CPPED1: variants seen among roughly 807,000 people sequenced by gnomAD.
CPPED1 encodes serine/threonine-protein phosphatase CPPED1.
CPPED1 carries 28 observed loss-of-function variants against 28.0 expected under a neutral mutation model. The observed-to-expected ratio is 1.00, with a 90% CI of 0.74 to 1.37. The LOEUF is 1.37. Among genes scored for constraint, CPPED1 ranks in the 40% most tolerant of loss-of-function variants. The pLI is 0.00. For synonymous variants in CPPED1, 198 were observed against 180.2 expected (o/e 1.10, Z -0.79); for missense variants, 504 against 416.5 (o/e 1.21, Z -1.83).
At chr16:12,748,251 C>T (rs1223717237) in intron 2 of CPPED1, among the ~76,000 whole-genome samples, 1 of 152,102 alleles carries the variant, frequency 6.6e-6, no homozygotes, top group East Asian at 1.9e-4. Flanking sequence ...TTGTGTTATA[C>T]TCATATATGG....
intron 2 of CPPED1, among the ~76,000 whole-genome samples, chr16:12,737,662 C>G (rs1360748865): frequency 6.6e-6 from 1 of 152,172 alleles, no homozygotes; most frequent in Non-Finnish European, 1.5e-5. Context: ...ACTCTTGCCC[C>G]CCTGAAGAAT....
chr16:12,700,596 T>G (rs2080015312), intron 3 of CPPED1, among the ~76,000 whole-genome samples: 1 of 152,244 alleles, frequency 6.6e-6, no homozygotes, highest in Non-Finnish European at 1.5e-5. Context: ...TTCGCCCTGC[T>G]GGCCAGGCTG....
At chr16:12,735,202 T>A (rs2080220408) in intron 2 of CPPED1, among the ~76,000 whole-genome samples, 1 of 152,214 alleles carries the variant, frequency 6.6e-6, no homozygotes, top group East Asian at 1.9e-4. Context: ...CCAATGATTA[T>A]TTTTGCCTTT....
intron 1 of CPPED1, among the ~76,000 whole-genome samples, chr16:12,786,947 T>C (rs2080567177): frequency 6.6e-6 from 1 of 152,182 alleles, no homozygotes; most frequent in African/African-American, 2.4e-5. Context: ...CCATTACTAA[T>C]TAGTATGTTC....
chr16:12,798,316 A>C (rs1376045080), intron 1 of CPPED1, among the ~76,000 whole-genome samples: 1 of 152,200 alleles, frequency 6.6e-6, no homozygotes, highest in East Asian at 1.9e-4. Context: ...ATATATCTCA[A>C]ATAAGAGATA....
intron 1 of CPPED1, among the ~76,000 whole-genome samples, chr16:12,787,817 A>G (rs1258594177): frequency 6.6e-6 from 1 of 152,128 alleles, no homozygotes; most frequent in Non-Finnish European, 1.5e-5. Context: ...CAAACAACCC[A>G]CATTTATTAT....
intron 3 of CPPED1, among the ~76,000 whole-genome samples, chr16:12,699,284 C>T (rs2080007762): frequency 6.6e-6 from 1 of 152,120 alleles, no homozygotes; most frequent in Non-Finnish European, 1.5e-5. Context: ...CTGTCCTGAC[C>T]TGATAACTGT....
chr16:12,782,813 G>C (rs2080540523), intron 1 of CPPED1, among the ~76,000 whole-genome samples: 1 of 152,064 alleles, frequency 6.6e-6, no homozygotes, highest in Non-Finnish European at 1.5e-5. Context: ...GGAGGTTGCA[G>C]TGAGCCAAGA....
At chr16:12,688,483 C>T (rs1313737272) in intron 3 of CPPED1, among the ~76,000 whole-genome samples, 1 of 151,940 alleles carries the variant, frequency 6.6e-6, no homozygotes, top group Non-Finnish European at 1.5e-5. Flanking sequence ...AGATTACAGG[C>T]AGCCGCCACC....
rs185788304 is a variant in CPPED1 at position 12,792,534 on chromosome 16, A to G, written c.71-11131T>C. Among the ~76,000 whole-genome samples, 160 of 152,180 alleles carry G rather than the reference A, an allele frequency of 1.1e-3. 1 individual carries two copies. The highest frequency in any genetic ancestry group is 3.6e-3 in the African/African-American group (150 of 41,542). On this transcript the variant is annotated intron_variant, in intron 1 of 3. Transcript: ENST00000381774. ...ATACCACAGGAATCCCCCCAGATAG[A>G]CCACTATCTGCTTCTCCAACACACC...
chr16:12,787,584 TTTA>T (rs1175403487), intron 1 of CPPED1, among the ~76,000 whole-genome samples: 1 of 152,034 alleles, frequency 6.6e-6, no homozygotes, highest in Admixed American at 6.6e-5. Flanking sequence ...TTTTTGTATT[TTTA>T]GTAGAGATGG....
In CPPED1 at chr16:12,766,277, G is replaced by GAGAGAGAGAGAGA. The variant is rs1567301044; in HGVS notation, c.289+14907_289+14908insTCTCTCTCTCTCT. Among the ~76,000 whole-genome samples the GAGAGAGAGAGAGA allele has an allele frequency of 5.8e-5, 7 of 119,950 alleles. 1 individual carries two copies. The highest frequency in any genetic ancestry group is 2.7e-4 in the African/African-American group (7 of 25,546). 78.7% of individuals were successfully genotyped at this position (119,950 alleles called of 152,430 possible). Reference sequence around the variant, plus strand: ...TATATAGAGAGAGAGAGAGAGAGAGGGAGAGAGAGAGAGAGAAAGAGAGAG... The same window carrying GAGAGAGAGAGAGA: ...TATATAGAGAGAGAGAGAGAGAGAGGAGAGAGAGAGAGAGAGAGAGAGAGAGAGAAAGAGAGAG... On this transcript the variant is annotated intron_variant, in intron 2 of 3. Transcript: ENST00000381774.
chr16:12,775,152 T>A (rs553682701), intron 2 of CPPED1, among the ~76,000 whole-genome samples: 1 of 152,148 alleles, frequency 6.6e-6, no homozygotes, highest in African/African-American at 2.4e-5. Context: ...AGACCCGAGT[T>A]AGCACACTCA....
intron 2 of CPPED1, among the ~76,000 whole-genome samples, chr16:12,737,910 C>G (rs564987672): frequency 1.3e-5 from 2 of 152,126 alleles, no homozygotes; most frequent in Non-Finnish European, 2.9e-5. Flanking sequence ...CCGAGGAATC[C>G]GGTCATTTTT....
At chr16:12,696,992 T>G (rs1415870460) in intron 3 of CPPED1, among the ~76,000 whole-genome samples, 2 of 152,162 alleles carry the variant, frequency 1.3e-5, no homozygotes, top group Non-Finnish European at 2.9e-5. Context: ...TGCACAGTAC[T>G]CATACTACTA....
chr16:12,800,905 A>G (rs1212877416), intron 1 of CPPED1, among the ~76,000 whole-genome samples: 2 of 152,010 alleles, frequency 1.3e-5, no homozygotes, highest in African/African-American at 4.8e-5. Context: ...CCTCAGGGAA[A>G]CCCTGCGTGA....
At chr16:12,777,903 C>CTTTTTTTTTTTTTTTTTTT (rs67527035) in intron 2 of CPPED1, among the ~76,000 whole-genome samples, 3 of 126,604 alleles carry the variant, frequency 2.4e-5, no homozygotes, top group Non-Finnish European at 3.4e-5. Context: ...TTTCTATTTT[C>CTTTTTTTTTTTTTTTTTTT]TTTTTTTTTT....
chr16:12,752,238 G>C (rs1023289827), intron 2 of CPPED1, among the ~76,000 whole-genome samples: 3 of 152,112 alleles, frequency 2.0e-5, no homozygotes, highest in African/African-American at 7.2e-5. Context: ...GGCTGTAACT[G>C]GATTTTGGTG....
At position 12,663,481 on chromosome 16, in the gene CPPED1, G is replaced by C. The variant is rs2079807885; in HGVS notation, c.*1405C>G. The C allele has an allele frequency of 6.6e-6, 1 of 152,178 alleles. No homozygotes were observed. The highest frequency in any genetic ancestry group is 2.1e-4 in the South Asian group (1 of 4,832). 9.4% of individuals were successfully genotyped at this position (152,178 alleles called of 1,614,324 possible). A position where few individuals can be genotyped will look rare whatever the true frequency, so the allele number is the denominator to read the frequency against. ...ATTTCAGCAAAACACTAAAAGAAGA[G>C]CGTTCTAGTTTTTTAAAAAATTTAA... On this transcript the variant is annotated 3_prime_UTR_variant, in exon 4 of 4. Transcript: ENST00000381774.
Sources: allele counts gnomAD v4.1 joint callset (sites outside exome capture counted in the v4.1 genomes callset), GRCh38; gene constraint gnomAD v4.1.1; transcripts MANE v1.5; gene names NCBI Gene and HGNC (gene_info 2026-07-23, HGNC 2026-07-21).